DSCAM: variants seen among roughly 807,000 people sequenced by gnomAD.
The protein encoded by DSCAM is cell adhesion molecule DSCAM.
A neutral mutation model predicts 217.7 loss-of-function variants in DSCAM; 47 were observed. That is an observed-to-expected ratio of 0.22 (90% CI 0.17 to 0.28). The LOEUF (loss-of-function observed/expected upper bound fraction) is 0.28. Ranked by LOEUF, DSCAM falls within the 10% of genes least tolerant of loss-of-function variation. DSCAM has a pLI of 1.00. For missense variants in DSCAM, 2,080 were observed against 2,618.3 expected, an observed-to-expected ratio of 0.79 and a Z score of 4.49; for synonymous variants, 1,056 against 1,015.3, an observed-to-expected ratio of 1.04 and a Z score of -0.76.
intron 4 of DSCAM, among the ~76,000 whole-genome samples, chr21:40,364,848 T>G (rs1330487516): frequency 1.3e-5 from 2 of 149,228 alleles, no homozygotes; most frequent in Non-Finnish European, 3.0e-5. Context: ...AAAGTACATA[T>G]GTAAAGTATT....
rs149838059 is a variant in DSCAM at position 40,517,033 on chromosome 21, A to G, written c.509-147788T>C. 4.6e-3 allele frequency among the ~76,000 whole-genome samples: 684 copies of G among 147,838 alleles called. 11 individuals are homozygous for G. Among genetic ancestry groups the G allele is most frequent in the African/African-American group, 0.016 (632 of 40,576 alleles). Reference sequence around the variant, plus strand: ...ATACCTTACATACTAACATATGTATATATATATATACCTTATATACTCTGT... The same window carrying G: ...ATACCTTACATACTAACATATGTATGTATATATATACCTTATATACTCTGT... On this transcript the variant is annotated intron_variant, in intron 3 of 32. Coordinates refer to ENST00000400454, the MANE Select transcript of DSCAM (RefSeq NM_001389.5).
chr21:40,544,085 G>A (rs550087623), intron 3 of DSCAM, among the ~76,000 whole-genome samples: 9 of 152,236 alleles, frequency 5.9e-5, no homozygotes, highest in East Asian at 3.9e-4. Flanking sequence ...GTGAGCCATC[G>A]CACTGGTGAA....
At chr21:40,536,096 G>GTTT (rs374692802) in intron 3 of DSCAM, among the ~76,000 whole-genome samples, 1 of 152,162 alleles carries the variant, frequency 6.6e-6, no homozygotes, top group African/African-American at 2.4e-5. Context: ...TTTAATAAAC[G>GTTT]TAAGTGTCCA....
At chr21:40,838,372 C>T (rs1352388240) in intron 1 of DSCAM, among the ~76,000 whole-genome samples, 1 of 152,204 alleles carries the variant, frequency 6.6e-6, no homozygotes, top group Admixed American at 6.5e-5. Flanking sequence ...CAGCCCCCCT[C>T]AGCCCCTGTG....
chr21:40,248,658 G>A (rs1055412395), intron 11 of DSCAM, among the ~76,000 whole-genome samples: 7 of 152,088 alleles, frequency 4.6e-5, no homozygotes, highest in African/African-American at 9.7e-5. Context: ...ACATTTTTCT[G>A]TATTCTTCTG....
intron 27 of DSCAM, among the ~76,000 whole-genome samples, chr21:40,069,208 A>G (rs1295139081): frequency 1.3e-5 from 2 of 152,170 alleles, no homozygotes; most frequent in Non-Finnish European, 1.5e-5. Context: ...GTGAAGTACT[A>G]TGGAGAAGAA....
intron 3 of DSCAM, among the ~76,000 whole-genome samples, chr21:40,414,187 A>G (rs997352748): frequency 6.6e-6 from 1 of 152,226 alleles, no homozygotes; most frequent in Non-Finnish European, 1.5e-5. Context: ...AGAAAATAAA[A>G]AGTCCAACTG....
intron 1 of DSCAM, among the ~76,000 whole-genome samples, chr21:40,806,233 A>G (rs2091785998): frequency 6.6e-6 from 1 of 152,048 alleles, no homozygotes; most frequent in African/African-American, 2.4e-5. Flanking sequence ...GGTGCATTCT[A>G]CTTTGCTGTT....
chr21:40,432,240 A>AAATG (rs68050103), intron 3 of DSCAM, among the ~76,000 whole-genome samples: 1 of 150,794 alleles, frequency 6.6e-6, no homozygotes, highest in African/African-American at 2.5e-5. Context: ...ATAAATAAAT[A>AAATG]TCTTCTTCTT....
chr21:40,227,225 A>C (rs2091341251), intron 11 of DSCAM, among the ~76,000 whole-genome samples: 1 of 152,182 alleles, frequency 6.6e-6, no homozygotes, highest in Non-Finnish European at 1.5e-5. Context: ...ACTCTGGCCC[A>C]TTCTGAAGCC....
intron 26 of DSCAM, 51 bp from the exon 27 acceptor site, chr21:40,075,264 G>A (rs117451082): frequency 3.0e-4 from 476 of 1,589,432 alleles, no homozygotes; most frequent in South Asian, 5.4e-4. Flanking sequence ...ACGGCATGGC[G>A]GAGCTTTTAG....
At chr21:40,518,373 TA>T (rs1461625883) in intron 3 of DSCAM, among the ~76,000 whole-genome samples, 1 of 21,446 alleles carries the variant, frequency 4.7e-5, no homozygotes, top group Non-Finnish European at 6.8e-5. Context: ...ATATATATAA[TA>T]TATATATAAT....
At chr21:40,266,683 T>TCA (rs1555896619) in intron 11 of DSCAM, among the ~76,000 whole-genome samples, 1 of 112,938 alleles carries the variant, frequency 8.9e-6, no homozygotes, top group Non-Finnish European at 1.7e-5. Context: ...TCTTGAAATT[T>TCA]TATATATATA....
intron 6 of DSCAM, among the ~76,000 whole-genome samples, chr21:40,340,396 G>A (rs1364215596): frequency 6.6e-6 from 1 of 152,090 alleles, no homozygotes; most frequent in Non-Finnish European, 1.5e-5. Flanking sequence ...ACAAATGCAT[G>A]TTTCTTTTAT....
At chr21:40,031,783 G>T (rs966259783) in intron 32 of DSCAM, among the ~76,000 whole-genome samples, 1 of 152,134 alleles carries the variant, frequency 6.6e-6, no homozygotes, top group Non-Finnish European at 1.5e-5. Context: ...TGGCACCAGG[G>T]CCTAAGGCAT....
At chr21:40,730,682 G>A (rs1490937596) in intron 1 of DSCAM, among the ~76,000 whole-genome samples, 3 of 152,040 alleles carry the variant, frequency 2.0e-5, no homozygotes, top group Admixed American at 2.0e-4. Flanking sequence ...CTGGAAGACT[G>A]TTGCCAAGGC....
intron 21 of DSCAM, among the ~76,000 whole-genome samples, chr21:40,092,201 T>TC (rs1245097856): frequency 6.6e-6 from 1 of 152,048 alleles, no homozygotes; most frequent in Middle Eastern, 3.2e-3. Context: ...ACTCCCTTCT[T>TC]CCCCCATCTA....
At chr21:40,779,144 T>C (rs998713073) in intron 1 of DSCAM, among the ~76,000 whole-genome samples, 2 of 151,904 alleles carry the variant, frequency 1.3e-5, no homozygotes, top group African/African-American at 2.4e-5. Context: ...TATTGTTTTC[T>C]ACTATATTAG....
intron 3 of DSCAM, among the ~76,000 whole-genome samples, chr21:40,536,597 A>G (rs187603595): frequency 0.019 from 2,883 of 151,974 alleles, 45 homozygotes; most frequent in African/African-American, 0.047. Context: ...TAGTAGAGAC[A>G]GGGTTTCACC....
Sources: gnomAD v4.1 joint callset for allele counts (sites outside exome capture counted in the v4.1 genomes callset) on GRCh38, gnomAD v4.1.1 for gene constraint, MANE v1.5 for transcripts, NCBI Gene and HGNC (gene_info 2026-07-23, HGNC 2026-07-21) for gene names.